STEAP1B: variants seen among roughly 807,000 people sequenced by gnomAD.
The protein encoded by STEAP1B is STEAP family member 1B.
Under a neutral mutation model 27.9 loss-of-function variants are expected in STEAP1B, and 13 were observed. The observed-to-expected ratio is 0.47, with a 90% confidence interval of 0.30 to 0.74. STEAP1B has a LOEUF of 0.74. Ranked by LOEUF, STEAP1B falls within the 30% of genes least tolerant of loss-of-function variation. The pLI is 0.06. For synonymous variants in STEAP1B, 86 were observed against 107.1 expected (o/e 0.80, Z 1.22); for missense variants, 250 against 298.7 (o/e 0.84, Z 1.20).
At chr7:22,438,595 GAT>G in intron 4 of STEAP1B, 1 of 1,552,168 alleles carries the variant, frequency 6.4e-7, no homozygotes, top group Non-Finnish European at 8.7e-7. Flanking sequence ...GCTGGCTGCT[GAT>G]AAAATGAAGT....
At chr7:22,499,977 GGCC>G (rs1231761754) in intron 1 of STEAP1B, 134 bp downstream of exon 1, 1 of 152,468 alleles carries the variant, frequency 6.6e-6, no homozygotes, top group African/African-American at 2.4e-5. Flanking sequence ...CGCCCAGGAG[GGCC>G]GCCGTCCAGG....
intron 4 of STEAP1B, among the ~76,000 whole-genome samples, chr7:22,451,402 T>C (rs557941499): frequency 6.6e-6 from 1 of 152,328 alleles, no homozygotes; most frequent in East Asian, 1.9e-4. Flanking sequence ...GCCCTTTCTT[T>C]ATCCGATTGC....
At chr7:22,487,831 A>G (rs917895478) in intron 4 of STEAP1B, among the ~76,000 whole-genome samples, 1 of 140,444 alleles carries the variant, frequency 7.1e-6, no homozygotes, top group Non-Finnish European at 1.5e-5. Flanking sequence ...AAGAAAAAAG[A>G]AAAAAAAAAA....
intron 4 of STEAP1B, among the ~76,000 whole-genome samples, chr7:22,461,566 G>A (rs569886190): frequency 2.2e-4 from 33 of 152,242 alleles, no homozygotes; most frequent in African/African-American, 7.5e-4. Flanking sequence ...GCTGGCCCAC[G>A]GAAGGAACTC....
chr7:22,467,121 C>A (rs567197411), intron 4 of STEAP1B, among the ~76,000 whole-genome samples: 1 of 152,252 alleles, frequency 6.6e-6, no homozygotes, highest in South Asian at 2.1e-4. Context: ...CCAGAAGACC[C>A]CTTATTTATA....
intron 1 of STEAP1B, among the ~76,000 whole-genome samples, chr7:22,497,670 G>C (rs1029836400): frequency 2.0e-5 from 3 of 152,156 alleles, no homozygotes; most frequent in Admixed American, 2.0e-4. Context: ...CAAGTCATTT[G>C]GTGACTTAAC....
At chr7:22,480,639 T>C (rs1450915822) in intron 4 of STEAP1B, among the ~76,000 whole-genome samples, 2 of 152,214 alleles carry the variant, frequency 1.3e-5, no homozygotes, top group East Asian at 1.9e-4. Flanking sequence ...CCAGGCACAC[T>C]GTCTATACCA....
At chr7:22,465,089 A>C (rs925874329) in intron 4 of STEAP1B, among the ~76,000 whole-genome samples, 10 of 151,406 alleles carry the variant, frequency 6.6e-5, no homozygotes, top group African/African-American at 2.4e-4. Context: ...TTACCTGAAC[A>C]CAAGCACTGT....
At chr7:22,431,990 T>C (rs1583628881) in intron 4 of STEAP1B, among the ~76,000 whole-genome samples, 2 of 152,172 alleles carry the variant, frequency 1.3e-5, no homozygotes, top group East Asian at 3.9e-4. Context: ...CTCTCCAAAA[T>C]TCATATATTG....
At chr7:22,428,010 A>T (rs1344462772) in intron 4 of STEAP1B, among the ~76,000 whole-genome samples, 2 of 152,224 alleles carry the variant, frequency 1.3e-5, no homozygotes, top group Non-Finnish European at 2.9e-5. Context: ...CCAGTCCTAC[A>T]AAGGAGCTTC....
chr7:22,454,043 G>A (rs953229537), intron 4 of STEAP1B, among the ~76,000 whole-genome samples: 1 of 152,104 alleles, frequency 6.6e-6, no homozygotes, highest in African/African-American at 2.4e-5. Context: ...CATTTTTCTT[G>A]GGTATTGTAT....
intron 4 of STEAP1B, among the ~76,000 whole-genome samples, chr7:22,455,787 T>A (rs937814810): frequency 1.3e-5 from 2 of 152,222 alleles, no homozygotes; most frequent in Non-Finnish European, 2.9e-5. Context: ...ATAACTGGAA[T>A]AAAATAATCT....
intron 4 of STEAP1B, among the ~76,000 whole-genome samples, chr7:22,454,131 T>A (rs972351198): frequency 1.3e-5 from 2 of 152,134 alleles, no homozygotes; most frequent in African/African-American, 4.8e-5. Flanking sequence ...ATAACAGGAA[T>A]AACAAGGGAT....
At chr7:22,433,008 C>T (rs1215027288) in intron 4 of STEAP1B, among the ~76,000 whole-genome samples, 1 of 152,148 alleles carries the variant, frequency 6.6e-6, no homozygotes, top group Admixed American at 6.5e-5. Flanking sequence ...TTCCTGCCAG[C>T]AAATGCGGCC....
At chr7:22,450,674 T>C (rs1785473382) in intron 4 of STEAP1B, among the ~76,000 whole-genome samples, 1 of 151,852 alleles carries the variant, frequency 6.6e-6, no homozygotes, top group Non-Finnish European at 1.5e-5. Flanking sequence ...TTTATTTCTA[T>C]TTCTGTGAAG....
At chr7:22,470,391 T>C (rs1349386551) in intron 4 of STEAP1B, among the ~76,000 whole-genome samples, 3 of 152,224 alleles carry the variant, frequency 2.0e-5, no homozygotes, top group Non-Finnish European at 1.5e-5. Flanking sequence ...TAAATTTACA[T>C]TGATACACTT....
intron 4 of STEAP1B, among the ~76,000 whole-genome samples, chr7:22,423,436 G>T (rs535559347): frequency 6.6e-6 from 1 of 152,234 alleles, no homozygotes; most frequent in Admixed American, 6.5e-5. Context: ...GCAATAAAAA[G>T]AAATGGCATA....
chr7:22,486,004 C>T (rs1022171128), intron 4 of STEAP1B, among the ~76,000 whole-genome samples: 3 of 152,154 alleles, frequency 2.0e-5, no homozygotes, highest in South Asian at 2.1e-4. Context: ...GCCTGGCATA[C>T]GTAAGCCTGC....
chr7:22,471,893 C>CTAA (rs1785891516), intron 4 of STEAP1B, among the ~76,000 whole-genome samples: 1 of 60,178 alleles, frequency 1.7e-5, no homozygotes. Flanking sequence ...AACCTGTCTC[C>CTAA]AAAAAAAAAA....
Sources: gnomAD v4.1 joint callset for allele counts (sites outside exome capture counted in the v4.1 genomes callset) on GRCh38, gnomAD v4.1.1 for gene constraint, MANE v1.5 for transcripts, NCBI Gene and HGNC (gene_info 2026-07-23, HGNC 2026-07-21) for gene names.